Variants in PDLIM3 observed in about 807,000 individuals in gnomAD.
PDLIM3 encodes the protein PDZ and LIM domain protein 3.
PDLIM3 carries 36 observed loss-of-function variants against 37.3 expected under a neutral mutation model. The observed-to-expected ratio is 0.97, with a 90% CI of 0.74 to 1.28. The LOEUF is 1.28. PDLIM3 is among the 50% of genes most tolerant of loss of function. PDLIM3 has a pLI of 0.00. For synonymous variants in PDLIM3, 174 were observed against 182.4 expected, an observed-to-expected ratio of 0.95 and a Z score of 0.37; for missense variants, 454 against 485.0, an observed-to-expected ratio of 0.94 and a Z score of 0.60.
rs544429991 is a variant in PDLIM3, at chr4:185,518,406, C to A, written c.331-4069G>T. ...AATTCTGAACCATCTCCAACAGAAA[C>A]AGTATGTTTGATTCATAGATATACA... On this transcript the variant is annotated intron_variant, in intron 3 of 7. Transcript: ENST00000284767. Among the ~76,000 whole-genome samples, 14 of 151,944 alleles carry A rather than the reference C, an allele frequency of 9.2e-5. No individual in the cohort carries two copies. The South Asian group carries it at 2.5e-3, about 27-fold the overall frequency.
Position 185,535,408 on chromosome 4 carries a change from GCCC to G in PDLIM3, c.24_26del (p.Gly9del). 2.5e-6 allele frequency: 4 copies of G among 1,604,506 alleles called. No individual in the cohort carries two copies. The highest frequency in any genetic ancestry group is 3.4e-6 in the Non-Finnish European group (4 of 1,176,174). ...AGAGCCTGAAGCCCCAGGGCGCAGG[GCCC>G]GGGAGGATCACCGTCTGGGGCATGC... On this transcript the variant is annotated inframe_deletion, in exon 1 of 8. Coordinates refer to ENST00000284767, the MANE Select transcript of PDLIM3 (RefSeq NM_014476.6).
chr4:185,514,863 T>G lies in PDLIM3; in HGVS notation c.331-526A>C. The G allele has an allele frequency of 1.3e-6, 2 of 1,551,624 alleles. No homozygotes were observed. The highest frequency in any genetic ancestry group is 1.7e-6 in the Non-Finnish European group (2 of 1,146,980). On this transcript the variant is annotated intron_variant, in intron 3 of 7. Transcript: ENST00000284767. The surrounding 1 kb of genome is among the most constrained non-coding windows in gnomAD (Gnocchi z 4.0). ...GCAACAAAAGGCTGGGCCCTTCTGTTGTGCGCGGTACCAATGGGTTTGAAT... is the reference window on the plus strand; with the variant it reads ...GCAACAAAAGGCTGGGCCCTTCTGTGGTGCGCGGTACCAATGGGTTTGAAT...
In PDLIM3 at chr4:185,514,215, A is replaced by T; in HGVS notation, c.398+55T>A. ...CCAGTTACTTTTCTTGATGATTAGT[A>T]AGAACTGATTTAAGAAGCATGCACT... On this transcript the variant is annotated intron_variant, in intron 4 of 7. Coordinates refer to ENST00000284767, the MANE Select transcript of PDLIM3 (RefSeq NM_014476.6). This position sits in a 1 kb window ranked among gnomAD's most constrained non-coding sequence, Gnocchi z 4.0. The T allele has an allele frequency of 6.2e-7, 1 of 1,614,122 alleles. No homozygotes were observed. The highest frequency in any genetic ancestry group is 2.2e-5 in the East Asian group (1 of 44,884).
chr4:185,527,934 G>C (rs2153338848), intron 1 of PDLIM3, among the ~76,000 whole-genome samples: 1 of 152,138 alleles, frequency 6.6e-6, no homozygotes, highest in Middle Eastern at 3.4e-3. Context: ...CACACCTGTA[G>C]TCCCAGCTGC....
chr4:185,505,147 T>C (rs1028535670), intron 6 of PDLIM3, among the ~76,000 whole-genome samples: 1 of 152,248 alleles, frequency 6.6e-6, no homozygotes, highest in African/African-American at 2.4e-5. Context: ...TCTTTGTGTC[T>C]GGCTTCTTTC....
At chr4:185,530,902 C>T (rs1273858955) in intron 1 of PDLIM3, among the ~76,000 whole-genome samples, 1 of 151,448 alleles carries the variant, frequency 6.6e-6, no homozygotes, top group Admixed American at 6.6e-5. Context: ...AATAATGGCC[C>T]CAAAGTGCAA....
chr4:185,513,177 G>T (rs571023888), intron 4 of PDLIM3: 37 of 985,134 alleles, frequency 3.8e-5, no homozygotes, highest in Admixed American at 2.5e-4. Context: ...CGTTCTAGGG[G>T]GGGGAAGATG....
chr4:185,535,304 C>T, intron 1 of PDLIM3, 38 bp downstream of exon 1: 4 of 1,555,406 alleles, frequency 2.6e-6, no homozygotes, highest in Non-Finnish European at 3.5e-6. Context: ...CCGCCGGAGT[C>T]CCCACCTCGC....
intron 7 of PDLIM3, among the ~76,000 whole-genome samples, 198 bp from the exon 8 acceptor site, chr4:185,502,681 C>T (rs1186650520): frequency 6.6e-6 from 1 of 152,100 alleles, no homozygotes; most frequent in East Asian, 1.9e-4. Context: ...TAAACCATCC[C>T]GTGTTTCTCT....
At chr4:185,508,657 G>A in intron 4 of PDLIM3, 95 bp from the exon 5 acceptor site, 3 of 1,276,470 alleles carry the variant, frequency 2.4e-6, no homozygotes, top group Non-Finnish European at 1.1e-6. Context: ...AGGTTAAAAG[G>A]AATTGAAGAC....
intron 5 of PDLIM3, 144 bp downstream of exon 5, chr4:185,508,155 A>G (rs1036708222): frequency 2.5e-6 from 2 of 808,080 alleles, no homozygotes; most frequent in Admixed American, 2.0e-5. Context: ...CCAAGCCTAG[A>G]TATTTGCAGT....
chr4:185,532,591 C>T (rs1053082039), intron 1 of PDLIM3, among the ~76,000 whole-genome samples: 5 of 151,774 alleles, frequency 3.3e-5, no homozygotes, highest in African/African-American at 7.3e-5. Context: ...CCACTGCCTA[C>T]GTGTGGAACA....
chr4:185,506,386 T>C lies in PDLIM3; in HGVS notation c.793+136A>G, dbSNP rs1375973204. The C allele has an allele frequency of 2.6e-6, 3 of 1,167,970 alleles. No individual in the cohort carries two copies. In the Admixed American group the frequency reaches 5.2e-5, roughly 20 times the overall value. The allele number at this position is 1,167,970 out of a possible 1,614,324, so 72.4% of individuals were successfully genotyped here. On this transcript the variant is annotated intron_variant, in intron 6 of 7. Transcript: ENST00000284767. ...AGGCACCATCCATATCCTATCCTTC[T>C]GAGCAAAAATTCATTTGGCTCCCAA...
chr4:185,519,191 A>G (rs2095719126), intron 3 of PDLIM3, among the ~76,000 whole-genome samples: 1 of 152,218 alleles, frequency 6.6e-6, no homozygotes, highest in Non-Finnish European at 1.5e-5. Context: ...CTGGGAGTTG[A>G]TCTAAACAAC....
At position 185,504,526 on chromosome 4, in the gene PDLIM3, G is replaced by T. The variant is rs1002967178; in HGVS notation, c.854C>A (p.Ser285Ter). ...GAGCGGCATCCTCTGTGCCCCGCCT[G>T]AACCGCCATGGACTTTCGTCACCGG... ...RAPVTKVHGG[S>*]GGAQRMPLCD... The change falls in exon 7 of 8, where the codon TCA becomes TAA. Residue 285 changes from serine to a stop codon, truncating the protein, a stop_gained. Coordinates refer to ENST00000284767, the MANE Select transcript of PDLIM3 (RefSeq NM_014476.6). LOFTEE classifies it high-confidence loss of function. The surrounding 1 kb of genome is among the most constrained non-coding windows in gnomAD (Gnocchi z 4.7). 4 of 1,614,154 alleles carry T rather than the reference G, an allele frequency of 2.5e-6. No homozygotes were observed. The South Asian group carries it at 4.4e-5, about 18-fold the overall frequency.
At chr4:185,528,489 C>T (rs576767511) in intron 1 of PDLIM3, among the ~76,000 whole-genome samples, 3 of 152,312 alleles carry the variant, frequency 2.0e-5, no homozygotes, top group African/African-American at 7.2e-5. Context: ...CAAAATGTTA[C>T]ATTTGCAAAG....
chr4:185,514,285 ATC>A lies in PDLIM3; in HGVS notation c.381_382del (p.Ile128ProfsTer14). 1 of 1,614,204 alleles carries A rather than the reference ATC, an allele frequency of 6.2e-7. No homozygotes were observed. The highest frequency in any genetic ancestry group is 8.5e-7 in the Non-Finnish European group (1 of 1,180,034). On this transcript the variant is annotated frameshift_variant, in exon 4 of 8. Coordinates refer to ENST00000284767, the MANE Select transcript of PDLIM3 (RefSeq NM_014476.6). LOFTEE classifies it high-confidence loss of function. This position sits in a 1 kb window ranked among gnomAD's most constrained non-coding sequence, Gnocchi z 4.0. ...CGCTTATGACCTGCTTCGGCCCGGG[ATC>A]ACGAAAGGTTTGGGCCGAATATTAT...
At chr4:185,530,764 C>A (rs550082709) in intron 1 of PDLIM3, among the ~76,000 whole-genome samples, 145 of 152,126 alleles carry the variant, frequency 9.5e-4, no homozygotes, top group Non-Finnish European at 2.0e-3. Flanking sequence ...CATGGATCAT[C>A]CCTTTGTCCA....
rs572128606 is a variant in PDLIM3 at position 185,535,412 on chromosome 4, G to A, written c.23C>T (p.Pro8Leu). The A allele has an allele frequency of 3.7e-6, 6 of 1,603,676 alleles. No individual in the cohort carries two copies. The highest frequency in any genetic ancestry group is 4.3e-6 in the Non-Finnish European group (5 of 1,175,776). Residue 8 changes from proline (P) to leucine (L), a missense_variant, in exon 1 of 8, where the codon CCG becomes CTG. By Grantham distance (98) the Pro-to-Leu change is moderately conservative. Coordinates refer to ENST00000284767, the MANE Select transcript of PDLIM3 (RefSeq NM_014476.6). ...CCTGAAGCCCCAGGGCGCAGGGCCC[G>A]GGAGGATCACCGTCTGGGGCATGCC... is the stretch of plus-strand genomic sequence containing the variant. MPQTVIL[P>L]GPAPWGFRLS... is the part of the protein sequence containing the mutation.
Sources: allele counts gnomAD v4.1 joint callset (sites outside exome capture counted in the v4.1 genomes callset), GRCh38; gene constraint gnomAD v4.1.1; non-coding constraint Gnocchi (gnomAD v3.1); transcripts MANE v1.5; gene names NCBI Gene and HGNC (gene_info 2026-07-23, HGNC 2026-07-21).